The following ARHGAP32 variants were observed in gnomAD, a reference collection of about 807,000 sequenced individuals.
ARHGAP32 encodes the protein Rho GTPase activating protein 32.
Under a neutral mutation model 186.5 loss-of-function variants are expected in ARHGAP32, and 51 were observed. The observed-to-expected ratio is 0.27, with a 90% confidence interval of 0.22 to 0.35. The LOEUF is 0.35. Among genes scored for constraint, ARHGAP32 ranks in the 10% least tolerant of loss-of-function variants. The pLI is 1.00. For synonymous variants in ARHGAP32, 950 were observed against 964.3 expected (o/e 0.99, Z 0.27); for missense variants, 2,186 against 2,623.5 (o/e 0.83, Z 3.64).
chr11:129,184,746 T>C (rs1004578287), intron 1 of ARHGAP32, among the ~76,000 whole-genome samples: 1 of 151,720 alleles, frequency 6.6e-6, no homozygotes, highest in Admixed American at 6.6e-5. Context: ...GGTAACAAAA[T>C]ATACATAACA....
intron 6 of ARHGAP32, among the ~76,000 whole-genome samples, chr11:129,083,786 A>T (rs1478740481): frequency 1.3e-5 from 2 of 152,170 alleles, no homozygotes; most frequent in African/African-American, 4.8e-5. Context: ...AGAAGAGCAA[A>T]TTAAATCCAA....
At chr11:129,106,959 C>T (rs890689429) in intron 5 of ARHGAP32, among the ~76,000 whole-genome samples, 2 of 151,960 alleles carry the variant, frequency 1.3e-5, no homozygotes, top group East Asian at 1.9e-4. Flanking sequence ...TGATGAAAGA[C>T]ATAAATGTGC....
intron 6 of ARHGAP32, among the ~76,000 whole-genome samples, chr11:129,078,211 T>A (rs4937397): frequency 0.17 from 25,315 of 151,800 alleles, 2,536 homozygotes; most frequent in African/African-American, 0.28. Context: ...GCAATAACAA[T>A]CACTGCAGTC....
intron 20 of ARHGAP32, among the ~76,000 whole-genome samples, 192 bp downstream of exon 20, chr11:128,976,371 A>G (rs1945542513): frequency 6.6e-6 from 1 of 152,192 alleles, no homozygotes. Context: ...CAAAAATGAA[A>G]AGATTAAAGA....
intron 11 of ARHGAP32, among the ~76,000 whole-genome samples, chr11:129,002,487 T>C (rs1004524477): frequency 6.6e-6 from 1 of 152,214 alleles, no homozygotes; most frequent in African/African-American, 2.4e-5. Flanking sequence ...CAAATAGTTT[T>C]TTGGTGGAGT....
intron 15 of ARHGAP32, among the ~76,000 whole-genome samples, chr11:128,985,545 A>C (rs1945839319): frequency 6.6e-6 from 1 of 152,126 alleles, no homozygotes; most frequent in Non-Finnish European, 1.5e-5. Context: ...TTTCTCAGAC[A>C]TAACCATAAA....
chr11:129,165,082 A>T (rs1943605079), intron 1 of ARHGAP32, among the ~76,000 whole-genome samples: 1 of 152,148 alleles, frequency 6.6e-6, no homozygotes, highest in Admixed American at 6.6e-5. Flanking sequence ...CTGTAATCTT[A>T]GTGGGATGAG....
chr11:128,978,175 T>A (rs944147991), intron 19 of ARHGAP32, among the ~76,000 whole-genome samples: 2 of 152,102 alleles, frequency 1.3e-5, no homozygotes, highest in Non-Finnish European at 2.9e-5. Context: ...GATTGCAAAC[T>A]GAATGACGAA....
chr11:129,209,364 G>T (rs907798789), intron 1 of ARHGAP32, among the ~76,000 whole-genome samples: 4 of 151,738 alleles, frequency 2.6e-5, no homozygotes, highest in Non-Finnish European at 4.4e-5. Flanking sequence ...TCTCTGGTCA[G>T]CTAAGGGCAA....
At chr11:129,276,056 C>T (rs192385603) in intron 1 of ARHGAP32, among the ~76,000 whole-genome samples, 2 of 152,322 alleles carry the variant, frequency 1.3e-5, no homozygotes, top group East Asian at 1.9e-4. Flanking sequence ...GCAGGAAGAT[C>T]GCTTCAGCCC....
At chr11:129,197,899 T>C (rs753331404) in intron 1 of ARHGAP32, among the ~76,000 whole-genome samples, 5 of 152,204 alleles carry the variant, frequency 3.3e-5, no homozygotes, top group Middle Eastern at 3.2e-3. Context: ...TCATTATATA[T>C]ACATTGACAT....
At chr11:129,182,291 AC>A (rs1460836305) in intron 1 of ARHGAP32, among the ~76,000 whole-genome samples, 1 of 152,084 alleles carries the variant, frequency 6.6e-6, no homozygotes, top group Non-Finnish European at 1.5e-5. Context: ...CAAATTTTCT[AC>A]AGTAAAAAAA....
chr11:128,989,998 G>C (rs1946000942), intron 12 of ARHGAP32, among the ~76,000 whole-genome samples: 1 of 152,118 alleles, frequency 6.6e-6, no homozygotes. Context: ...GCCTGGCAGA[G>C]AAGGCCTTTC....
intron 11 of ARHGAP32, among the ~76,000 whole-genome samples, chr11:129,038,141 A>C (rs1009436881): frequency 8.6e-5 from 13 of 151,974 alleles, no homozygotes; most frequent in Admixed American, 2.6e-4. Context: ...CAATGGAAGA[A>C]AACTGGAAAT....
chr11:129,114,448 G>C (rs1369475565), intron 5 of ARHGAP32, among the ~76,000 whole-genome samples: 1 of 152,014 alleles, frequency 6.6e-6, no homozygotes, highest in African/African-American at 2.4e-5. Flanking sequence ...TGTTTTCTCT[G>C]AGGAAAGATT....
At chr11:129,229,783 T>C (rs1330829307) in intron 1 of ARHGAP32, among the ~76,000 whole-genome samples, 2 of 152,140 alleles carry the variant, frequency 1.3e-5, no homozygotes, top group Non-Finnish European at 2.9e-5. Flanking sequence ...TATTAAGATA[T>C]ATATATGCAT....
chr11:129,216,878 T>C (rs938588709), intron 1 of ARHGAP32, among the ~76,000 whole-genome samples: 3 of 152,038 alleles, frequency 2.0e-5, no homozygotes, highest in African/African-American at 7.2e-5. Context: ...CCACCTCAAC[T>C]ATTTCTATTT....
chr11:129,058,242 A>C (rs11221554), intron 10 of ARHGAP32, among the ~76,000 whole-genome samples: 19,198 of 111,430 alleles, frequency 0.17, 2,028 homozygotes, highest in African/African-American at 0.3. Flanking sequence ...CTCTCTCTAT[A>C]TATATATATA....
intron 1 of ARHGAP32, among the ~76,000 whole-genome samples, chr11:129,240,134 T>G (rs1591713191): frequency 6.6e-6 from 1 of 152,076 alleles, no homozygotes; most frequent in East Asian, 1.9e-4. Flanking sequence ...CTCCGCCTCC[T>G]GGGTTCAAGT....
Sources: allele counts gnomAD v4.1 joint callset (sites outside exome capture counted in the v4.1 genomes callset), GRCh38; gene constraint gnomAD v4.1.1; transcripts MANE v1.5; gene names NCBI Gene and HGNC (gene_info 2026-07-23, HGNC 2026-07-21).